The following SAMD4A variants were observed in gnomAD, a reference collection of about 807,000 sequenced individuals.
SAMD4A encodes the protein sterile alpha motif domain containing 4A.
Under a neutral mutation model 81.3 loss-of-function variants are expected in SAMD4A, and 33 were observed. That is an observed-to-expected ratio of 0.41 (90% CI 0.31 to 0.54). The LOEUF (loss-of-function observed/expected upper bound fraction) is 0.54, where lower values mean the gene tolerates loss of function less well. Ranked by LOEUF, SAMD4A falls within the 20% of genes least tolerant of loss-of-function variation. The probability of loss-of-function intolerance (pLI) is 0.37; values close to 1 mark genes in which losing one functional copy is unlikely to be tolerated. For synonymous variants in SAMD4A, 389 were observed against 382.1 expected, an observed-to-expected ratio of 1.02 and a Z score of -0.21; for missense variants, 854 against 951.1, an observed-to-expected ratio of 0.90 and a Z score of 1.34.
At chr14:54,711,131 G>A (rs528654453) in intron 3 of SAMD4A, among the ~76,000 whole-genome samples, 1 of 152,086 alleles carries the variant, frequency 6.6e-6, no homozygotes, top group Non-Finnish European at 1.5e-5. Flanking sequence ...AGCTCACTAG[G>A]CACATGTTCA....
In SAMD4A at chr14:54,760,169, C is replaced by T. The variant is rs201991552; in HGVS notation, c.1185C>T (p.Ile395=). ...NLLKSLERDI[I]EGGSLRIPLQ... Reference sequence around the variant, plus strand: ...CTGCTCTCACCGTCCAGGACATCATCGAGGGGGGCAGCCTGCGCATCCCGC... The same window carrying T: ...CTGCTCTCACCGTCCAGGACATCATTGAGGGGGGCAGCCTGCGCATCCCGC... Residue 395 remains isoleucine (I), a synonymous_variant, in exon 7 of 13, where the codon ATC becomes ATT. Transcript: ENST00000554335. 239 of 1,612,184 alleles carry T rather than the reference C, an allele frequency of 1.5e-4. 2 individuals are homozygous for T. The East Asian group carries it at 4.1e-3, about 28-fold the overall frequency.
chr14:54,758,096 T>C (rs188912566), intron 6 of SAMD4A, among the ~76,000 whole-genome samples: 72 of 145,216 alleles, frequency 5.0e-4, no homozygotes, highest in Non-Finnish European at 7.1e-4. Context: ...GACGCGAAAC[T>C]CTCCTAAGAG....
At chr14:54,661,020 G>T (rs1460392362) in intron 2 of SAMD4A, among the ~76,000 whole-genome samples, 2 of 152,198 alleles carry the variant, frequency 1.3e-5, no homozygotes, top group Non-Finnish European at 2.9e-5. Context: ...TTCATGAATG[G>T]TGTGAACATA....
intron 12 of SAMD4A, among the ~76,000 whole-genome samples, chr14:54,788,086 C>T (rs1442656247): frequency 6.6e-6 from 1 of 152,220 alleles, no homozygotes; most frequent in Non-Finnish European, 1.5e-5. Flanking sequence ...CCTCAGCACT[C>T]TCCCACCTCC....
chr14:54,784,994 A>C lies in SAMD4A; in HGVS notation c.2128+374A>C, dbSNP rs946539210. Among the ~76,000 whole-genome samples, 9 of 152,318 alleles carry C rather than the reference A, an allele frequency of 5.9e-5. No individual in the cohort carries two copies. The East Asian group carries it at 1.7e-3, about 29-fold the overall frequency. The stretch of plus-strand genomic sequence containing the variant: ...ACATGAGACATGGCTTTTAGTAGGA[A>C]TATCCCGCACAACACTGGATGCTTC... On this transcript the variant is annotated intron_variant, in intron 12 of 12. Transcript: ENST00000554335.
intron 2 of SAMD4A, among the ~76,000 whole-genome samples, chr14:54,610,270 T>C (rs1258082629): frequency 2.0e-5 from 3 of 152,192 alleles, no homozygotes; most frequent in Non-Finnish European, 2.9e-5. Flanking sequence ...AGCATTTTCA[T>C]TGGAAATGTC....
intron 3 of SAMD4A, among the ~76,000 whole-genome samples, chr14:54,709,841 A>G (rs1028025830): frequency 6.6e-6 from 1 of 152,174 alleles, no homozygotes; most frequent in Non-Finnish European, 1.5e-5. Flanking sequence ...GTTATAGAAG[A>G]AAAGTAAACC....
At chr14:54,701,473 C>T (rs1011123061) in intron 2 of SAMD4A, among the ~76,000 whole-genome samples, 1 of 152,222 alleles carries the variant, frequency 6.6e-6, no homozygotes, top group Non-Finnish European at 1.5e-5. Context: ...GCTTTGAGCC[C>T]ATAGTCACTC....
intron 2 of SAMD4A, among the ~76,000 whole-genome samples, chr14:54,654,590 T>A (rs1479259500): frequency 6.6e-6 from 1 of 152,206 alleles, no homozygotes; most frequent in Non-Finnish European, 1.5e-5. Context: ...GTTGAGATTG[T>A]CATGTAATGT....
chr14:54,757,412 TGTGTGTGTGTG>T (rs1465701940), intron 6 of SAMD4A, among the ~76,000 whole-genome samples: 10 of 147,502 alleles, frequency 6.8e-5, no homozygotes, highest in African/African-American at 2.3e-4. Context: ...TGTGTGTGTG[TGTGTGTGTGTG>T]TGTGTTTTGT....
At chr14:54,579,353 A>T (rs1304180280) in intron 2 of SAMD4A, among the ~76,000 whole-genome samples, 1 of 152,260 alleles carries the variant, frequency 6.6e-6, no homozygotes, top group Admixed American at 6.5e-5. Context: ...AGATGAGGAA[A>T]CTTAGGTTTA....
At chr14:54,581,603 C>A (rs1348129442) in intron 2 of SAMD4A, among the ~76,000 whole-genome samples, 1 of 152,198 alleles carries the variant, frequency 6.6e-6, no homozygotes, top group Non-Finnish European at 1.5e-5. Context: ...TAAAGAATTT[C>A]TTTTGGAGAA....
chr14:54,589,335 G>A (rs2033712658), intron 2 of SAMD4A, among the ~76,000 whole-genome samples: 1 of 152,102 alleles, frequency 6.6e-6, no homozygotes, highest in Admixed American at 6.5e-5. Flanking sequence ...CACCTACTGG[G>A]TCAAAAAGCC....
Position 54,751,493 on chromosome 14 carries a change from CA to C in SAMD4A, c.1133del (p.Gln378ArgfsTer10). 6.2e-7 allele frequency: 1 copy of C among 1,609,442 alleles called. No individual in the cohort carries two copies. Among genetic ancestry groups the C allele is most frequent in the Non-Finnish European group, 8.5e-7 (1 of 1,176,940 alleles). On this transcript the variant is annotated frameshift_variant, in exon 6 of 13. Coordinates refer to ENST00000554335, the MANE Select transcript of SAMD4A (RefSeq NM_015589.6). LOFTEE classifies it high-confidence loss of function. ...AAGACACAAAATTGTCATCAGTATTCAGAAGCTCAAAGAAAGACAAAATCTC... is the reference window on the plus strand; with the variant it reads ...AAGACACAAAATTGTCATCAGTATTCGAAGCTCAAAGAAAGACAAAATCTC... ...GARHKIVISI[Q>X]KLKERQNLLK...
chr14:54,630,908 A>ATGTGTGTG (rs5808786), intron 2 of SAMD4A, among the ~76,000 whole-genome samples: 198 of 144,364 alleles, frequency 1.4e-3, no homozygotes, highest in Middle Eastern at 3.5e-3. Context: ...TGTATTTTAT[A>ATGTGTGTG]TGTGTGTGTG....
intron 4 of SAMD4A, among the ~76,000 whole-genome samples, chr14:54,739,282 C>T (rs1156425293): frequency 2.0e-5 from 3 of 151,900 alleles, no homozygotes; most frequent in African/African-American, 7.3e-5. Context: ...CTCTGTGATT[C>T]CTTTCATTAG....
intron 3 of SAMD4A, among the ~76,000 whole-genome samples, chr14:54,725,893 C>T (rs140411765): frequency 3.9e-5 from 6 of 152,176 alleles, no homozygotes; most frequent in African/African-American, 7.2e-5. Flanking sequence ...CCTACCCCAA[C>T]GTCAACAGAA....
upstream of SAMD4A, among the ~76,000 whole-genome samples, chr14:54,566,685 G>T (rs899694025): frequency 6.6e-6 from 1 of 151,646 alleles, no homozygotes; most frequent in Non-Finnish European, 1.5e-5. Context: ...TGCGACGCGC[G>T]GGCGAGGCTC....
chr14:54,645,870 C>T (rs866753206), intron 2 of SAMD4A, among the ~76,000 whole-genome samples: 13 of 152,132 alleles, frequency 8.5e-5, no homozygotes, highest in South Asian at 2.1e-4. Context: ...CTTTCCTTGC[C>T]GTTTTTTATA....
Sources: allele counts gnomAD v4.1 joint callset (sites outside exome capture counted in the v4.1 genomes callset), GRCh38; gene constraint gnomAD v4.1.1; transcripts MANE v1.5; gene names NCBI Gene and HGNC (gene_info 2026-07-23, HGNC 2026-07-21).